The following PACRG variants were observed in gnomAD, a reference collection of about 807,000 sequenced individuals.
PACRG encodes the protein parkin coregulated, also known as parkin coregulated gene protein.
In PACRG, 29 loss-of-function variants were observed where a neutral mutation model predicts 29.7. The observed-to-expected ratio is 0.98, with a 90% CI of 0.73 to 1.33. The LOEUF (loss-of-function observed/expected upper bound fraction) is 1.33, where lower values mean the gene tolerates loss of function less well. PACRG is among the 40% of genes most tolerant of loss of function. PACRG has a pLI of 0.00. For synonymous variants in PACRG, 116 were observed against 118.7 expected (o/e 0.98, Z 0.15); for missense variants, 279 against 316.2 (o/e 0.88, Z 0.89).
chr6:162,901,852 G>A (rs953303126), intron 2 of PACRG, among the ~76,000 whole-genome samples: 9 of 152,206 alleles, frequency 5.9e-5, no homozygotes, highest in African/African-American at 2.2e-4. Context: ...ATAAAAGAGT[G>A]CACCAAAAAA....
intron 4 of PACRG, among the ~76,000 whole-genome samples, chr6:163,148,877 A>G (rs1188636789): frequency 6.7e-6 from 1 of 148,262 alleles, no homozygotes; most frequent in Non-Finnish European, 1.5e-5. Context: ...GTACCAACCC[A>G]TAACTGGCTG....
intron 4 of PACRG, among the ~76,000 whole-genome samples, chr6:163,107,186 A>G (rs1348330195): frequency 6.6e-6 from 1 of 152,174 alleles, no homozygotes; most frequent in African/African-American, 2.4e-5. Flanking sequence ...AAAACCTAAA[A>G]CCATGAGGGT....
chr6:162,995,281 T>TC (rs578198851), intron 2 of PACRG, among the ~76,000 whole-genome samples: 2 of 148,962 alleles, frequency 1.3e-5, no homozygotes, highest in African/African-American at 5.0e-5. Context: ...AGTTCGAGCT[T>TC]CCCGGCTGCT....
chr6:162,754,599 A>AG (rs1014343115), intron 1 of PACRG, among the ~76,000 whole-genome samples: 26 of 151,120 alleles, frequency 1.7e-4, no homozygotes, highest in Admixed American at 1.7e-3. Context: ...TTACCCTTTC[A>AG]GGTCTTATAG....
chr6:162,881,856 A>G (rs1225830485), intron 2 of PACRG, among the ~76,000 whole-genome samples: 1 of 147,656 alleles, frequency 6.8e-6, no homozygotes, highest in Non-Finnish European at 1.5e-5. Flanking sequence ...GCTCTCCACC[A>G]AGACCAGAGA....
chr6:162,985,022 T>C (rs1197768834), intron 2 of PACRG, among the ~76,000 whole-genome samples: 5 of 151,912 alleles, frequency 3.3e-5, no homozygotes, highest in Admixed American at 3.3e-4. Flanking sequence ...ATAGAATCTC[T>C]GAACAGGCCA....
At chr6:162,888,535 C>G (rs941061787) in intron 2 of PACRG, among the ~76,000 whole-genome samples, 2 of 152,142 alleles carry the variant, frequency 1.3e-5, no homozygotes, top group African/African-American at 4.8e-5. Context: ...GACATTTGGA[C>G]TCTCTCTCCC....
chr6:162,842,514 G>T (rs1216853207), intron 2 of PACRG, among the ~76,000 whole-genome samples: 1 of 151,846 alleles, frequency 6.6e-6, no homozygotes, highest in African/African-American at 2.4e-5. Context: ...TGGGTTTCCT[G>T]AATACAGCAC....
At chr6:162,958,913 A>AGG in intron 2 of PACRG, among the ~76,000 whole-genome samples, 1 of 139,350 alleles carries the variant, frequency 7.2e-6, no homozygotes, top group Admixed American at 7.3e-5. Context: ...AGAGAGAGAG[A>AGG]GAGAGAGAGA....
At chr6:163,082,196 A>G (rs931613587) in intron 3 of PACRG, among the ~76,000 whole-genome samples, 3 of 152,172 alleles carry the variant, frequency 2.0e-5, no homozygotes, top group Admixed American at 6.5e-5. Flanking sequence ...ATCTAACAAA[A>G]TTTGCAGGAT....
chr6:163,148,759 C>T (rs1777911440), intron 4 of PACRG, among the ~76,000 whole-genome samples: 1 of 152,094 alleles, frequency 6.6e-6, no homozygotes, highest in Admixed American at 6.5e-5. Flanking sequence ...GAACATACAG[C>T]ACACAGACCC....
At chr6:163,030,285 A>G (rs1454031380) in intron 2 of PACRG, among the ~76,000 whole-genome samples, 1 of 152,168 alleles carries the variant, frequency 6.6e-6, no homozygotes, top group African/African-American at 2.4e-5. Context: ...TGATACATAC[A>G]TATGCATACC....
intron 4 of PACRG, among the ~76,000 whole-genome samples, chr6:163,092,929 C>CCTGT (rs1301472949): frequency 6.6e-6 from 1 of 152,176 alleles, no homozygotes; most frequent in Non-Finnish European, 1.5e-5. Context: ...CGTTGGGTGA[C>CCTGT]CTGTCGCTTG....
intron 3 of PACRG, among the ~76,000 whole-genome samples, chr6:163,083,385 G>T (rs1166915146): frequency 6.6e-6 from 1 of 152,094 alleles, no homozygotes; most frequent in East Asian, 1.9e-4. Flanking sequence ...TCCTGCTTTT[G>T]CTTTAAGTTG....
In PACRG at chr6:162,893,314, G is replaced by A. The variant is rs6905932; in HGVS notation, c.291+79033G>A. The stretch of plus-strand genomic sequence containing the variant: ...AAACAGCAGGGGAGGGCCTCGGCTC[G>A]ACTGGCAGTGTGGACAGACAGGGCA... On this transcript the variant is annotated intron_variant, in intron 2 of 4. Coordinates refer to ENST00000366888, the MANE Select transcript of PACRG (RefSeq NM_001080379.2). Among the ~76,000 whole-genome samples the A allele has an allele frequency of 7.1e-3, 1,086 of 152,122 alleles. 11 individuals are homozygous for A. The highest frequency in any genetic ancestry group is 0.025 in the African/African-American group (1,039 of 41,500).
At chr6:162,977,348 G>T (rs1355956179) in intron 2 of PACRG, among the ~76,000 whole-genome samples, 1 of 150,862 alleles carries the variant, frequency 6.6e-6, no homozygotes, top group Non-Finnish European at 1.5e-5. Context: ...TAAAAGTTAA[G>T]AAAGTGAAAA....
At chr6:163,048,123 T>A (rs1809594810) in intron 2 of PACRG, among the ~76,000 whole-genome samples, 1 of 152,200 alleles carries the variant, frequency 6.6e-6, no homozygotes, top group Non-Finnish European at 1.5e-5. Flanking sequence ...GACAGCCATA[T>A]CATCCTCAAA....
intron 4 of PACRG, among the ~76,000 whole-genome samples, chr6:163,171,541 C>T (rs572669945): frequency 2.0e-5 from 3 of 152,324 alleles, no homozygotes; most frequent in African/African-American, 7.2e-5. Context: ...AAAGCATAGG[C>T]TCCTATCTAC....
At chr6:162,882,781 T>C (rs1794004290) in intron 2 of PACRG, among the ~76,000 whole-genome samples, 1 of 152,224 alleles carries the variant, frequency 6.6e-6, no homozygotes, top group Non-Finnish European at 1.5e-5. Context: ...AACCCGACTG[T>C]CCAGGAAGCC....
Sources: allele counts gnomAD v4.1 joint callset (sites outside exome capture counted in the v4.1 genomes callset), GRCh38; gene constraint gnomAD v4.1.1; transcripts MANE v1.5; gene names NCBI Gene and HGNC (gene_info 2026-07-23, HGNC 2026-07-21).